Variants in DSCAM observed in about 807,000 individuals in gnomAD.
DSCAM encodes the protein DS cell adhesion molecule, also known as cell adhesion molecule DSCAM.
Under a neutral mutation model 217.7 loss-of-function variants are expected in DSCAM, and 47 were observed. The observed-to-expected ratio is 0.22, with a 90% confidence interval of 0.17 to 0.28. DSCAM has a LOEUF of 0.28. Ranked by LOEUF, DSCAM falls within the 10% of genes least tolerant of loss-of-function variation. The probability of loss-of-function intolerance (pLI) is 1.00; values close to 1 mark genes in which losing one functional copy is unlikely to be tolerated. For missense variants in DSCAM, 2,080 were observed against 2,618.3 expected (o/e 0.79, Z 4.49); for synonymous variants, 1,056 against 1,015.3 (o/e 1.04, Z -0.76).
chr21:40,780,425 A>G lies in DSCAM; in HGVS notation c.43+66194T>C, dbSNP rs904826571. 2.9e-3 allele frequency among the ~76,000 whole-genome samples: 179 copies of G among 61,272 alleles called. 1 individual carries two copies. The highest frequency in any genetic ancestry group is 8.3e-3 in the Middle Eastern group (1 of 120). 40.2% of individuals were successfully genotyped at this position (61,272 alleles called of 152,430 possible). ...TGTGTGTGTGTGTGTGTGTGTGTGT[A>G]TATATATATATATATATATATATCT... On this transcript the variant is annotated intron_variant, in intron 1 of 32. Coordinates refer to ENST00000400454, the MANE Select transcript of DSCAM (RefSeq NM_001389.5).
At chr21:40,693,477 C>T (rs778116195) in intron 2 of DSCAM, among the ~76,000 whole-genome samples, 7 of 152,034 alleles carry the variant, frequency 4.6e-5, no homozygotes, top group Non-Finnish European at 1.0e-4. Flanking sequence ...AGTTAATAGA[C>T]CCCCTGAAGG....
At chr21:40,622,351 A>C (rs2089532518) in intron 3 of DSCAM, among the ~76,000 whole-genome samples, 1 of 152,160 alleles carries the variant, frequency 6.6e-6, no homozygotes, top group Non-Finnish European at 1.5e-5. Context: ...TCACATTCTA[A>C]GTTTTCATTG....
Position 40,638,620 on chromosome 21 carries a change from G to C in DSCAM, c.508+54190C>G, listed in dbSNP as rs2178846. The stretch of plus-strand genomic sequence containing the variant: ...TCTTGCATTCCCTGATTTCAAGCAC[G>C]GCGAGGCTGGGGCTGTAATTACGGA... On this transcript the variant is annotated intron_variant, in intron 3 of 32. Coordinates refer to ENST00000400454, the MANE Select transcript of DSCAM (RefSeq NM_001389.5). Among the ~76,000 whole-genome samples the C allele has an allele frequency of 3.4e-3, 516 of 152,238 alleles. 3 individuals are homozygous for C. Among genetic ancestry groups the C allele is most frequent in the African/African-American group, 0.011 (470 of 41,536 alleles).
At chr21:40,145,003 A>C (rs1288780251) in intron 16 of DSCAM, among the ~76,000 whole-genome samples, 1 of 152,194 alleles carries the variant, frequency 6.6e-6, no homozygotes, top group East Asian at 1.9e-4. Context: ...TATGCATGGC[A>C]GGAGCGGAAT....
intron 28 of DSCAM, among the ~76,000 whole-genome samples, chr21:40,056,157 A>T (rs1238021638): frequency 6.6e-6 from 1 of 152,234 alleles, no homozygotes; most frequent in Non-Finnish European, 1.5e-5. Flanking sequence ...AAAAGCAATT[A>T]AAAACCAACA....
intron 16 of DSCAM, among the ~76,000 whole-genome samples, chr21:40,154,138 A>G (rs2090451833): frequency 1.3e-5 from 2 of 151,490 alleles, no homozygotes; most frequent in Non-Finnish European, 2.9e-5. Context: ...TGCCTCAAAT[A>G]ATTCCTTTCC....
intron 1 of DSCAM, among the ~76,000 whole-genome samples, chr21:40,733,443 T>C (rs192001397): frequency 2.7e-4 from 41 of 152,300 alleles, no homozygotes; most frequent in African/African-American, 9.6e-4. Flanking sequence ...ATACTGTTGA[T>C]TGTCATGAGG....
intron 3 of DSCAM, among the ~76,000 whole-genome samples, chr21:40,465,298 C>T (rs2075835612): frequency 6.6e-6 from 1 of 152,174 alleles, no homozygotes; most frequent in Admixed American, 6.5e-5. Flanking sequence ...GCTTTTCTCT[C>T]TCCCCACAAT....
At chr21:40,168,896 G>T (rs2090625407) in intron 15 of DSCAM, among the ~76,000 whole-genome samples, 1 of 152,114 alleles carries the variant, frequency 6.6e-6, no homozygotes, top group Admixed American at 6.5e-5. Context: ...GCTTGTCTGT[G>T]ACTCCATTTC....
intron 3 of DSCAM, among the ~76,000 whole-genome samples, chr21:40,402,737 C>T (rs1372152103): frequency 6.6e-6 from 1 of 150,434 alleles, no homozygotes; most frequent in Non-Finnish European, 1.5e-5. Flanking sequence ...AGGAAAAATT[C>T]AATTGATTCT....
chr21:40,263,837 C>T (rs1290714472), intron 11 of DSCAM, among the ~76,000 whole-genome samples: 1 of 151,956 alleles, frequency 6.6e-6, no homozygotes, highest in Non-Finnish European at 1.5e-5. Context: ...AAAGAAGATT[C>T]AGATAAGTTC....
intron 11 of DSCAM, among the ~76,000 whole-genome samples, chr21:40,213,814 G>A (rs1272601305): frequency 6.6e-6 from 1 of 152,108 alleles, no homozygotes; most frequent in African/African-American, 2.4e-5. Context: ...GGAATTTTAC[G>A]ATATTCTAGT....
chr21:40,724,489 G>C (rs945423105), intron 1 of DSCAM, among the ~76,000 whole-genome samples: 1 of 152,222 alleles, frequency 6.6e-6, no homozygotes, highest in South Asian at 2.1e-4. Context: ...GCAAAGAGTT[G>C]GAGAGAGAGG....
chr21:40,256,400 C>CAG (rs201482308), intron 11 of DSCAM, among the ~76,000 whole-genome samples: 1,925 of 147,314 alleles, frequency 0.013, 37 homozygotes, highest in African/African-American at 0.048. Flanking sequence ...GAGAGAGAGA[C>CAG]AGACAGAGAG....
chr21:40,401,692 T>C (rs2075235086), intron 3 of DSCAM, among the ~76,000 whole-genome samples: 1 of 152,186 alleles, frequency 6.6e-6, no homozygotes, highest in African/African-American at 2.4e-5. Flanking sequence ...GGGATAATCA[T>C]ATGTTACAAA....
chr21:40,698,196 C>T (rs1306010119), intron 2 of DSCAM, among the ~76,000 whole-genome samples: 4 of 152,068 alleles, frequency 2.6e-5, no homozygotes, highest in African/African-American at 4.8e-5. Flanking sequence ...TTGACAGCAG[C>T]GAATGTGAGA....
intron 3 of DSCAM, among the ~76,000 whole-genome samples, chr21:40,378,492 G>A (rs1007830193): frequency 2.7e-5 from 4 of 146,778 alleles, no homozygotes; most frequent in African/African-American, 1.0e-4. Flanking sequence ...GAAAAACTCA[G>A]AAGTGCACAC....
intron 11 of DSCAM, among the ~76,000 whole-genome samples, chr21:40,224,748 G>A (rs927843258): frequency 5.9e-5 from 9 of 152,162 alleles, no homozygotes; most frequent in Admixed American, 2.6e-4. Context: ...TCTAAAATGA[G>A]TATCAGAGAC....
At chr21:40,048,974 A>G (rs1270654235) in intron 30 of DSCAM, among the ~76,000 whole-genome samples, 1 of 147,618 alleles carries the variant, frequency 6.8e-6, no homozygotes, top group African/African-American at 2.5e-5. Context: ...ATTTAATGAA[A>G]AAAATGATCC....
Sources: gnomAD v4.1 joint callset for allele counts (sites outside exome capture counted in the v4.1 genomes callset) on GRCh38, gnomAD v4.1.1 for gene constraint, MANE v1.5 for transcripts, NCBI Gene and HGNC (gene_info 2026-07-23, HGNC 2026-07-21) for gene names.